Variants in CTNNA3 observed in about 807,000 individuals in gnomAD.
CTNNA3 encodes the protein catenin alpha 3, also known as catenin alpha-3.
In CTNNA3, 76 loss-of-function variants were observed where a neutral mutation model predicts 95.7. The ratio of observed to expected loss-of-function variants is 0.79; its 90% confidence interval spans 0.66 to 0.96. The LOEUF (loss-of-function observed/expected upper bound fraction) is 0.96, where lower values mean the gene tolerates loss of function less well. CTNNA3 is among the 40% of genes least tolerant of loss of function. The pLI is 0.00. For synonymous variants in CTNNA3, 431 were observed against 374.4 expected, an observed-to-expected ratio of 1.15 and a Z score of -1.74; for missense variants, 1,191 against 1,089.8, an observed-to-expected ratio of 1.09 and a Z score of -1.31.
chr10:66,954,101 T>G (rs1391895459), intron 7 of CTNNA3, among the ~76,000 whole-genome samples: 2 of 152,186 alleles, frequency 1.3e-5, no homozygotes, highest in Non-Finnish European at 2.9e-5. Flanking sequence ...AAATAAAATT[T>G]ATGCCTCTAC....
intron 15 of CTNNA3, among the ~76,000 whole-genome samples, chr10:66,060,456 A>C (rs186460210): frequency 6.6e-6 from 1 of 152,060 alleles, no homozygotes; most frequent in Non-Finnish European, 1.5e-5. Context: ...ATTTCTAAAG[A>C]CTTAAACACA....
intron 13 of CTNNA3, among the ~76,000 whole-genome samples, chr10:66,190,297 A>C (rs1443682884): frequency 6.6e-6 from 1 of 152,158 alleles, no homozygotes; most frequent in Admixed American, 6.6e-5. Context: ...GCAGAGAAAT[A>C]AAAACAAACC....
chr10:66,266,253 C>A lies in CTNNA3; in HGVS notation c.1884+14217G>T, dbSNP rs188570837. 2.3e-3 allele frequency among the ~76,000 whole-genome samples: 357 copies of A among 152,004 alleles called. 4 individuals are homozygous for A. The highest frequency in any genetic ancestry group is 9.7e-4 in the Non-Finnish European group (66 of 67,926). On this transcript the variant is annotated intron_variant, in intron 13 of 17. Coordinates refer to ENST00000433211, the MANE Select transcript of CTNNA3 (RefSeq NM_013266.4). ...TATATTAGAACACCATGTAACAATG[C>A]ATCAAAGGGAGAAACCCAGGACTCC...
intron 7 of CTNNA3, among the ~76,000 whole-genome samples, chr10:67,133,459 G>A (rs1182941965): frequency 6.6e-6 from 1 of 150,716 alleles, no homozygotes; most frequent in Non-Finnish European, 1.5e-5. Context: ...TAAATGGTTG[G>A]ACTGATTTAA....
chr10:66,826,253 T>C (rs1321850593), intron 7 of CTNNA3, among the ~76,000 whole-genome samples: 1 of 152,132 alleles, frequency 6.6e-6, no homozygotes, highest in Non-Finnish European at 1.5e-5. Context: ...AACATGTCTA[T>C]GTAATTGAAT....
At chr10:66,158,769 C>G (rs768644395) in intron 13 of CTNNA3, among the ~76,000 whole-genome samples, 3 of 152,068 alleles carry the variant, frequency 2.0e-5, no homozygotes, top group Middle Eastern at 3.4e-3. Flanking sequence ...TTGATTCTAC[C>G]CATTCATGAG....
chr10:66,263,340 T>G (rs1282549468), intron 13 of CTNNA3, among the ~76,000 whole-genome samples: 2 of 151,986 alleles, frequency 1.3e-5, no homozygotes, highest in African/African-American at 4.8e-5. Flanking sequence ...AAATATAACA[T>G]ATTTCAACAA....
chr10:66,749,751 T>A (rs1257441237), intron 9 of CTNNA3, among the ~76,000 whole-genome samples: 2 of 152,232 alleles, frequency 1.3e-5, no homozygotes, highest in African/African-American at 4.8e-5. Context: ...CTGGGTCTTA[T>A]GGTAACAGTA....
At position 66,819,857 on chromosome 10, in the gene CTNNA3, A is replaced by G. The variant is rs1276023843; in HGVS notation, c.1048-44333T>C. 2.0e-5 allele frequency among the ~76,000 whole-genome samples: 3 copies of G among 152,306 alleles called. No individual in the cohort carries two copies. In the East Asian group the frequency reaches 5.8e-4, roughly 29 times the overall value. ...AAAAGGGTTGGCCAGGATGTGGAAAATGGGAAACCTTGCACATCACTGATG... is the reference window on the plus strand; with the variant it reads ...AAAAGGGTTGGCCAGGATGTGGAAAGTGGGAAACCTTGCACATCACTGATG... On this transcript the variant is annotated intron_variant, in intron 7 of 17. Transcript: ENST00000433211.
chr10:66,236,608 A>G (rs2089865789), intron 13 of CTNNA3, among the ~76,000 whole-genome samples: 1 of 152,132 alleles, frequency 6.6e-6, no homozygotes, highest in Non-Finnish European at 1.5e-5. Flanking sequence ...ATCAGTAGCA[A>G]TTTTATATTT....
At chr10:66,691,716 A>G (rs1262173873) in intron 9 of CTNNA3, among the ~76,000 whole-genome samples, 2 of 152,178 alleles carry the variant, frequency 1.3e-5, no homozygotes, top group South Asian at 4.1e-4. Context: ...ATCCCCCAGT[A>G]GAGGCAGACT....
At chr10:67,105,035 A>G (rs74145104) in intron 7 of CTNNA3, among the ~76,000 whole-genome samples, 5,182 of 152,152 alleles carry the variant, frequency 0.034, 299 homozygotes, top group African/African-American at 0.12. Context: ...AAAACAACAA[A>G]GAAGACAAAA....
At chr10:66,170,751 G>C (rs2085379272) in intron 13 of CTNNA3, among the ~76,000 whole-genome samples, 1 of 152,032 alleles carries the variant, frequency 6.6e-6, no homozygotes, top group Non-Finnish European at 1.5e-5. Flanking sequence ...AAAGTTACTG[G>C]GTAAAAGTGA....
intron 5 of CTNNA3, among the ~76,000 whole-genome samples, chr10:67,509,280 T>A (rs1337053979): frequency 6.6e-6 from 1 of 152,030 alleles, no homozygotes; most frequent in African/African-American, 2.4e-5. Flanking sequence ...CCATGTTGGT[T>A]TGCTGCACCC....
upstream of CTNNA3, among the ~76,000 whole-genome samples, chr10:67,699,220 C>T (rs1231892347): frequency 6.6e-6 from 1 of 152,132 alleles, no homozygotes; most frequent in Non-Finnish European, 1.5e-5. Flanking sequence ...ACAAACAAAA[C>T]ATACTTTTAC....
chr10:66,307,592 T>G (rs1434312756), intron 12 of CTNNA3, among the ~76,000 whole-genome samples: 1 of 152,206 alleles, frequency 6.6e-6, no homozygotes, highest in African/African-American at 2.4e-5. Flanking sequence ...ACTAGCTGTT[T>G]TTTTAAATTG....
At chr10:67,104,031 C>A (rs1858488557) in intron 7 of CTNNA3, among the ~76,000 whole-genome samples, 1 of 151,712 alleles carries the variant, frequency 6.6e-6, no homozygotes, top group Non-Finnish European at 1.5e-5. Flanking sequence ...TATTTCCAAT[C>A]ATCTTAGCCC....
chr10:67,551,646 G>T (rs898094710), intron 3 of CTNNA3, among the ~76,000 whole-genome samples: 11 of 152,202 alleles, frequency 7.2e-5, no homozygotes, highest in African/African-American at 2.7e-4. Context: ...ACACTGTTGT[G>T]GGGTTGGAGC....
intron 12 of CTNNA3, among the ~76,000 whole-genome samples, chr10:66,282,749 G>T (rs189696641): frequency 6.6e-6 from 1 of 151,898 alleles, no homozygotes; most frequent in Admixed American, 6.6e-5. Context: ...TCAAATGATG[G>T]ACACTCAATA....
Sources: gnomAD v4.1 joint callset for allele counts (sites outside exome capture counted in the v4.1 genomes callset) on GRCh38, gnomAD v4.1.1 for gene constraint, MANE v1.5 for transcripts, NCBI Gene and HGNC (gene_info 2026-07-23, HGNC 2026-07-21) for gene names.